The following ABCB1 variants were observed in gnomAD, a reference collection of about 807,000 sequenced individuals.
ABCB1 encodes the protein ATP binding cassette subfamily B member 1.
Under a neutral mutation model 142.0 loss-of-function variants are expected in ABCB1, and 69 were observed. The ratio of observed to expected loss-of-function variants is 0.49; its 90% CI spans 0.40 to 0.59. ABCB1 has a LOEUF of 0.59. Ranked by LOEUF, ABCB1 falls within the 20% of genes least tolerant of loss-of-function variation. The pLI, the probability that ABCB1 is intolerant of heterozygous loss-of-function variation, is 0.00. For synonymous variants in ABCB1, 532 were observed against 539.2 expected, an observed-to-expected ratio of 0.99 and a Z score of 0.18; for missense variants, 1,326 against 1,554.7, an observed-to-expected ratio of 0.85 and a Z score of 2.47.
intron 27 of ABCB1, among the ~76,000 whole-genome samples, chr7:87,505,059 G>A (rs1158676978): frequency 6.6e-6 from 1 of 151,980 alleles, no homozygotes; most frequent in East Asian, 1.9e-4. Flanking sequence ...AACCTCCTGG[G>A]CTCAAGCGAT....
intron 18 of ABCB1, among the ~76,000 whole-genome samples, chr7:87,539,875 C>T (rs1252406826): frequency 2.6e-5 from 4 of 152,206 alleles, no homozygotes; most frequent in Non-Finnish European, 2.9e-5. Flanking sequence ...CAATTCAAAT[C>T]GTCAACATTT....
At chr7:87,671,521 C>T (rs1252113953) in intron 1 of ABCB1, among the ~76,000 whole-genome samples, 5 of 152,198 alleles carry the variant, frequency 3.3e-5, no homozygotes, top group East Asian at 3.9e-4. Context: ...CTGGTTGCCT[C>T]GGATTTTCTA....
At chr7:87,568,239 C>G (rs996184937) in intron 5 of ABCB1, among the ~76,000 whole-genome samples, 1 of 115,268 alleles carries the variant, frequency 8.7e-6, no homozygotes, top group Admixed American at 8.1e-5. Flanking sequence ...ACTAAAAATA[C>G]GACAATAATA....
chr7:87,648,184 C>CAAAAAAAA (rs138383809), intron 1 of ABCB1, among the ~76,000 whole-genome samples: 1 of 65,458 alleles, frequency 1.5e-5, no homozygotes, highest in African/African-American at 5.5e-5. Flanking sequence ...GACTCTGTCT[C>CAAAAAAAA]AAAAAAAAAA....
intron 3 of ABCB1, among the ~76,000 whole-genome samples, chr7:87,589,779 TAAA>T (rs773623286): frequency 3.6e-4 from 35 of 97,454 alleles, no homozygotes; most frequent in Non-Finnish European, 5.9e-4. Flanking sequence ...AGTTAAGACC[TAAA>T]AAAAGAAAGA....
At chr7:87,688,709 C>A (rs1827720907) in intron 1 of ABCB1, among the ~76,000 whole-genome samples, 1 of 151,860 alleles carries the variant, frequency 6.6e-6, no homozygotes, top group South Asian at 2.1e-4. Context: ...TTTCTTAGTT[C>A]TGTAATGTTT....
chr7:87,540,401 C>A (rs959121673), intron 18 of ABCB1, among the ~76,000 whole-genome samples: 1 of 152,134 alleles, frequency 6.6e-6, no homozygotes, highest in African/African-American at 2.4e-5. Context: ...GCACTTGAAC[C>A]AAAACCAATA....
intron 11 of ABCB1, 81 bp from the exon 12 acceptor site, chr7:87,550,377 T>C: frequency 6.2e-7 from 1 of 1,608,290 alleles, no homozygotes; most frequent in Non-Finnish European, 8.5e-7. Context: ...TAGGTTTAAA[T>C]ATACATGCAC....
Position 87,520,789 on chromosome 7 carries a change from G to T in ABCB1, c.2773C>A (p.Gln925Lys), listed in dbSNP as rs746491990. Residue 925 changes from glutamine (Q) to lysine (K), a missense_variant, in exon 22 of 28, where the codon CAG becomes AAG. Transcript: ENST00000622132. ...KFEHMYAQSLQVPYRNSLRKA... is the reference protein window; with the variant it reads ...KFEHMYAQSLKVPYRNSLRKA... ...AGCGGTTATTACCTGTATGGTACCTGCAAACTCTGAGCATACATATGTTCA... is the reference window on the plus strand; with the variant it reads ...AGCGGTTATTACCTGTATGGTACCTTCAAACTCTGAGCATACATATGTTCA... The T allele has an allele frequency of 6.2e-7, 1 of 1,613,616 alleles. No individual in the cohort carries two copies. The highest frequency in any genetic ancestry group is 8.5e-7 in the Non-Finnish European group (1 of 1,179,668).
At chr7:87,598,281 T>C in intron 2 of ABCB1, among the ~76,000 whole-genome samples, 1 of 152,222 alleles carries the variant, frequency 6.6e-6, no homozygotes, top group Non-Finnish European at 1.5e-5. Context: ...GCTCACATGA[T>C]ATATCCATTG....
At chr7:87,531,906 A>G (rs1043361259) in intron 20 of ABCB1, among the ~76,000 whole-genome samples, 1 of 152,220 alleles carries the variant, frequency 6.6e-6, no homozygotes, top group African/African-American at 2.4e-5. Flanking sequence ...ATAATATTCA[A>G]ATATATCTGG....
chr7:87,673,806 G>A (rs1826061529), intron 1 of ABCB1, among the ~76,000 whole-genome samples: 1 of 152,198 alleles, frequency 6.6e-6, no homozygotes, highest in Non-Finnish European at 1.5e-5. Context: ...GTTGCCAGAG[G>A]TCTTGTGCTG....
At chr7:87,657,058 T>C (rs917263317) in intron 1 of ABCB1, among the ~76,000 whole-genome samples, 1 of 152,080 alleles carries the variant, frequency 6.6e-6, no homozygotes, top group African/African-American at 2.4e-5. Context: ...ATGACATACT[T>C]TCCCCTATTT....
At chr7:87,682,831 T>C (rs552858749) in intron 1 of ABCB1, among the ~76,000 whole-genome samples, 6 of 152,340 alleles carry the variant, frequency 3.9e-5, no homozygotes, top group Non-Finnish European at 8.8e-5. Flanking sequence ...TAGCCCCTAA[T>C]AAGAGAGTCA....
At chr7:87,563,927 A>G (rs1817679260) in intron 7 of ABCB1, among the ~76,000 whole-genome samples, 1 of 152,186 alleles carries the variant, frequency 6.6e-6, no homozygotes, top group Admixed American at 6.5e-5. Context: ...AAAACTAAAT[A>G]CTGCATGTTC....
Position 87,570,991 on chromosome 7 carries a change from A to G in ABCB1, c.287-768T>C, listed in dbSNP as rs187146485. On this transcript the variant is annotated intron_variant, in intron 4 of 27. Coordinates refer to ENST00000622132, the MANE Select transcript of ABCB1 (RefSeq NM_001348946.2). ...GTTGCAACTATTTCACTTGTTTCCAATATTTTACTGTTACAAGCAATGCTG... is the reference window on the plus strand; with the variant it reads ...GTTGCAACTATTTCACTTGTTTCCAGTATTTTACTGTTACAAGCAATGCTG... Among the ~76,000 whole-genome samples, 5 of 152,314 alleles carry G rather than the reference A, an allele frequency of 3.3e-5. No individual in the cohort carries two copies. In the East Asian group the frequency reaches 9.6e-4, roughly 29 times the overall value.
rs938378776 is a variant in ABCB1 at position 87,710,212 on chromosome 7, G to A, written c.-331+2949C>T. On this transcript the variant is annotated intron_variant, in intron 1 of 28. Transcript: ENST00000265724. Reference sequence around the variant, plus strand: ...CTCTGTTTTTCATGATTTATGAGAGGGCTCATTTTAATTAGTTTGTTGATT... The same window carrying A: ...CTCTGTTTTTCATGATTTATGAGAGAGCTCATTTTAATTAGTTTGTTGATT... Among the ~76,000 whole-genome samples the A allele has an allele frequency of 2.2e-4, 33 of 151,940 alleles. 2 individuals carry two copies. The highest frequency in any genetic ancestry group is 1.5e-5 in the Non-Finnish European group (1 of 67,968).
At chr7:87,519,563 C>A in intron 22 of ABCB1, 97 bp from the exon 23 acceptor site, 2 of 1,448,324 alleles carry the variant, frequency 1.4e-6, no homozygotes, top group South Asian at 1.2e-5. Context: ...GAGGCATGAC[C>A]AACAAAAATG....
At chr7:87,654,056 T>G (rs1167467690) in intron 1 of ABCB1, among the ~76,000 whole-genome samples, 1 of 152,078 alleles carries the variant, frequency 6.6e-6, no homozygotes, top group Non-Finnish European at 1.5e-5. Context: ...ATTTTTTTTC[T>G]TCTTTTTCCA....
Sources: gnomAD v4.1 joint callset for allele counts (sites outside exome capture counted in the v4.1 genomes callset) on GRCh38, gnomAD v4.1.1 for gene constraint, MANE v1.5 for transcripts, NCBI Gene and HGNC (gene_info 2026-07-23, HGNC 2026-07-21) for gene names.